TINAG: variants seen among roughly 807,000 people sequenced by gnomAD.
TINAG encodes tubulointerstitial nephritis antigen.
Under a neutral mutation model 72.7 loss-of-function variants are expected in TINAG, and 83 were observed. The observed-to-expected ratio is 1.14, with a 90% CI of 0.96 to 1.37. The LOEUF (loss-of-function observed/expected upper bound fraction) is 1.37. Among genes scored for constraint, TINAG ranks in the 40% most tolerant of loss-of-function variants. The pLI, the probability that TINAG is intolerant of heterozygous loss-of-function variation, is 0.00. For synonymous variants in TINAG, 234 were observed against 189.9 expected (o/e 1.23, Z -1.91); for missense variants, 685 against 576.6 (o/e 1.19, Z -1.93).
chr6:54,377,798 T>A (rs1468709916), intron 9 of TINAG, among the ~76,000 whole-genome samples: 1 of 152,140 alleles, frequency 6.6e-6, no homozygotes, highest in Non-Finnish European at 1.5e-5. Context: ...TTTAGGAACA[T>A]ACATATATTA....
At chr6:54,356,687 G>A (rs10948813) in intron 9 of TINAG, among the ~76,000 whole-genome samples, 28,152 of 151,630 alleles carry the variant, frequency 0.19, 2,749 homozygotes, top group African/African-American at 0.21. Context: ...TAAGTCATTT[G>A]AAACTATTGC....
intron 10 of TINAG, among the ~76,000 whole-genome samples, chr6:54,389,095 A>G (rs762543199): frequency 2.0e-5 from 3 of 152,096 alleles, no homozygotes; most frequent in Non-Finnish European, 4.4e-5. Flanking sequence ...TTCCAGCCTC[A>G]TAACCTACCA....
chr6:54,380,578 A>T lies in TINAG; in HGVS notation c.1296+7A>T. ...GCAGAAAGAAAAATTTTGGGTATGT[A>T]ACTCTTTCCAGTTGAATTCCTGCTG... On this transcript the variant is annotated splice_region_variant and intron_variant, in intron 10 of 10. Transcript: ENST00000259782. 1 of 1,608,744 alleles carries T rather than the reference A, an allele frequency of 6.2e-7. No individual in the cohort carries two copies. The highest frequency in any genetic ancestry group is 8.5e-7 in the Non-Finnish European group (1 of 1,176,366).
At position 54,330,549 on chromosome 6, in the gene TINAG, G is replaced by C. The variant is rs753695490; in HGVS notation, c.624+3633G>C. Among the ~76,000 whole-genome samples, 6 of 152,084 alleles carry C rather than the reference G, an allele frequency of 3.9e-5. No individual in the cohort carries two copies. The South Asian group carries it at 6.2e-4, about 16-fold the overall frequency. ...CCTAATATCACAGTTAAAAGAACTA[G>C]AGAAGCAAGAGCAAACAAATTCAAA... On this transcript the variant is annotated intron_variant, in intron 4 of 10. Coordinates refer to ENST00000259782, the MANE Select transcript of TINAG (RefSeq NM_014464.4).
chr6:54,313,460 C>G (rs1460526406), intron 1 of TINAG, among the ~76,000 whole-genome samples: 1 of 152,160 alleles, frequency 6.6e-6, no homozygotes, highest in Non-Finnish European at 1.5e-5. Context: ...ACTGAACATA[C>G]TCTTCCTCCT....
intron 4 of TINAG, among the ~76,000 whole-genome samples, chr6:54,330,391 A>T (rs1461349922): frequency 3.9e-5 from 6 of 152,172 alleles, no homozygotes; most frequent in African/African-American, 1.4e-4. Context: ...GAAATAAATA[A>T]GTTCTTTGAA....
chr6:54,349,721 T>C lies in TINAG; in HGVS notation c.905T>C (p.Val302Ala), dbSNP rs1209969285. 5.1e-6 allele frequency: 8 copies of C among 1,564,234 alleles called. No individual in the cohort carries two copies. Among genetic ancestry groups the C allele is most frequent in the Non-Finnish European group, 7.0e-6 (8 of 1,149,834 alleles). ...AWWYLRKRGL[V>A]SHACYPLFKD... ...TCTTTGCTTATTCCTCATAGACTGGTATCCCACGCATGCTACCCACTTTTC... is the reference window on the plus strand; with the variant it reads ...TCTTTGCTTATTCCTCATAGACTGGCATCCCACGCATGCTACCCACTTTTC... The change falls in exon 7 of 11, where the codon GTA becomes GCA. Residue 302 changes from valine (V) to alanine (A), a missense_variant. Val to Ala is a moderately conservative substitution (Grantham distance 64). Coordinates refer to ENST00000259782, the MANE Select transcript of TINAG (RefSeq NM_014464.4).
intron 9 of TINAG, among the ~76,000 whole-genome samples, chr6:54,359,574 C>T (rs1487351242): frequency 6.6e-6 from 1 of 151,758 alleles, no homozygotes; most frequent in Non-Finnish European, 1.5e-5. Context: ...AATCCTCTAT[C>T]ATTGTGTATT....
At chr6:54,330,310 A>C (rs1338629833) in intron 4 of TINAG, among the ~76,000 whole-genome samples, 1 of 152,196 alleles carries the variant, frequency 6.6e-6, no homozygotes, top group East Asian at 1.9e-4. Flanking sequence ...CTCACTCCAA[A>C]CTGCACAACT....
chr6:54,308,012 G>A (rs907868256), upstream of TINAG: 20 of 1,545,452 alleles, frequency 1.3e-5, no homozygotes, highest in African/African-American at 6.9e-5. Context: ...GTGTGTGACT[G>A]GGCATGATTT....
intron 8 of TINAG, among the ~76,000 whole-genome samples, chr6:54,352,215 A>G (rs555368545): frequency 2.4e-3 from 363 of 151,966 alleles, no homozygotes; most frequent in Middle Eastern, 6.8e-3. Flanking sequence ...GCCAAAATTA[A>G]ATGTAAAACA....
chr6:54,361,019 G>A (rs202159704), intron 9 of TINAG, among the ~76,000 whole-genome samples: 1 of 150,866 alleles, frequency 6.6e-6, no homozygotes, highest in East Asian at 2.0e-4. Context: ...GTGTTATGGT[G>A]ACCTGTGATT....
chr6:54,341,673 A>G (rs896317484), intron 4 of TINAG, among the ~76,000 whole-genome samples: 1 of 152,168 alleles, frequency 6.6e-6, no homozygotes, highest in African/African-American at 2.4e-5. Context: ...TACTTATCAG[A>G]AGTAATTTTT....
At chr6:54,313,489 A>G (rs9370286) in intron 1 of TINAG, among the ~76,000 whole-genome samples, 66,472 of 151,992 alleles carry the variant, frequency 0.44, 16,104 homozygotes, top group Middle Eastern at 0.58. Flanking sequence ...GCTAAGATTT[A>G]TTGAATACTT....
intron 9 of TINAG, among the ~76,000 whole-genome samples, chr6:54,354,986 AT>A (rs1762989990): frequency 6.6e-6 from 1 of 151,910 alleles, no homozygotes; most frequent in Non-Finnish European, 1.5e-5. Flanking sequence ...ATGGTTTTGA[AT>A]AGAATTGCAA....
chr6:54,321,979 G>A (rs139645592), intron 3 of TINAG, among the ~76,000 whole-genome samples: 1 of 152,236 alleles, frequency 6.6e-6, no homozygotes, highest in African/African-American at 2.4e-5. Flanking sequence ...AAAATTAGGT[G>A]GCGTCTCCAT....
intron 4 of TINAG, 145 bp from the exon 5 acceptor site, chr6:54,343,081 A>T: frequency 3.1e-6 from 2 of 651,282 alleles, no homozygotes; most frequent in South Asian, 1.1e-4. Context: ...GTGAAATATA[A>T]ATCCCACATA....
intron 3 of TINAG, among the ~76,000 whole-genome samples, chr6:54,322,333 CAAAA>C (rs148020265): frequency 6.8e-6 from 1 of 146,780 alleles, no homozygotes; most frequent in East Asian, 2.0e-4. Flanking sequence ...AACAAACAAA[CAAAA>C]AAAAAACAAG....
At chr6:54,384,209 G>T (rs189094851) in intron 10 of TINAG, among the ~76,000 whole-genome samples, 29 of 152,174 alleles carry the variant, frequency 1.9e-4, no homozygotes, top group African/African-American at 5.3e-4. Flanking sequence ...GTTCACGGGT[G>T]GGGGGCTAGG....
Sources: allele counts gnomAD v4.1 joint callset (sites outside exome capture counted in the v4.1 genomes callset), GRCh38; gene constraint gnomAD v4.1.1; transcripts MANE v1.5; gene names NCBI Gene and HGNC (gene_info 2026-07-23, HGNC 2026-07-21).